Variants in PCDHA4 observed in about 807,000 individuals in gnomAD.
PCDHA4 encodes protocadherin alpha 4, also known as protocadherin alpha-4.
In PCDHA4, 49 loss-of-function variants were observed where a neutral mutation model predicts 61.4. The ratio of observed to expected loss-of-function variants is 0.80; its 90% confidence interval spans 0.63 to 1.01. The LOEUF is 1.01. PCDHA4 is among the 50% of genes least tolerant of loss of function. PCDHA4 has a pLI of 0.00. For missense variants in PCDHA4, 1,254 were observed against 1,235.8 expected (o/e 1.01, Z -0.22); for synonymous variants, 590 against 550.3 (o/e 1.07, Z -1.01).
chr5:140,833,597 T>C (rs1466793693), intron 1 of PCDHA4, among the ~76,000 whole-genome samples: 1 of 152,196 alleles, frequency 6.6e-6, no homozygotes, highest in Non-Finnish European at 1.5e-5. Flanking sequence ...ATATATAGAT[T>C]CTGCTAAAGC....
In PCDHA4 at chr5:140,809,555, G is replaced by C. The variant is rs781870287; in HGVS notation, c.2368G>C (p.Glu790Gln). ...CAGAGAAGATCAGCTGCAGACAACT[G>C]AGGAATCCTTTGCAAAGGTTAGTGT... The part of the protein sequence containing the change: ...RDREDQLQTT[E>Q]ESFAKPRQPN... The change falls in exon 1 of 4, where the codon GAG becomes CAG. Residue 790 changes from glutamate to glutamine, a missense_variant. Glu to Gln is a conservative substitution (Grantham distance 29). Coordinates refer to ENST00000530339, the MANE Select transcript of PCDHA4 (RefSeq NM_018907.4). 21 of 1,610,628 alleles carry C rather than the reference G, an allele frequency of 1.3e-5. 1 individual carries two copies. In the South Asian group the frequency reaches 2.3e-4, roughly 18 times the overall value.
chr5:140,961,856 C>T (rs781908407), intron 1 of PCDHA4, among the ~76,000 whole-genome samples: 1 of 151,570 alleles, frequency 6.6e-6, no homozygotes, highest in Non-Finnish European at 1.5e-5. Flanking sequence ...GATCATTTAT[C>T]TGGCCACAGA....
chr5:140,841,545 T>C lies in PCDHA4; in HGVS notation c.2385+31973T>C, dbSNP rs1554138308. ...GCGTCCAAAAGACACCGGGACCTTC[T>C]GGAGGTAAGTCTGCAGAATGGCATT... On this transcript the variant is annotated intron_variant, in intron 1 of 3. Coordinates refer to ENST00000530339, the MANE Select transcript of PCDHA4 (RefSeq NM_018907.4). 1 of 1,613,752 alleles carries C rather than the reference T, an allele frequency of 6.2e-7. No homozygotes were observed.
At chr5:140,829,541 G>C in intron 1 of PCDHA4, 1 of 1,613,068 alleles carries the variant, frequency 6.2e-7, no homozygotes. Flanking sequence ...AGACGCGGAC[G>C]CGCAGGAGAA....
At position 140,839,044 on chromosome 5, in the gene PCDHA4, C is replaced by A. The variant is rs2150294320; in HGVS notation, c.2385+29472C>A. 1.3e-3 allele frequency among the ~76,000 whole-genome samples: 202 copies of A among 152,030 alleles called. 2 individuals are homozygous for A. Among genetic ancestry groups the A allele is most frequent in the Non-Finnish European group, 2.1e-3 (142 of 67,974 alleles). On this transcript the variant is annotated intron_variant, in intron 1 of 3. Transcript: ENST00000530339. ...GGATATGTTACTGTTTTCTTTTCAACGTGAATAAGGATAGAGGTATGCAAA... is the reference window on the plus strand; with the variant it reads ...GGATATGTTACTGTTTTCTTTTCAAAGTGAATAAGGATAGAGGTATGCAAA...
rs17844287 is a variant in PCDHA4, at chr5:140,821,857, G to T, written c.2385+12285G>T. The T allele has an allele frequency of 9.3e-5, 150 of 1,614,186 alleles. No individual in the cohort carries two copies. The East Asian group carries it at 3.3e-3, about 35-fold the overall frequency. ...CCTTGCCTACTGGAAGGCAGGGAGC[G>T]GCCAGCTCCACTACTCGATCCCGGA... is the stretch of plus-strand genomic sequence containing the variant. On this transcript the variant is annotated intron_variant, in intron 1 of 3. Transcript: ENST00000530339.
intron 1 of PCDHA4, chr5:140,876,935 C>T (rs1554169119): frequency 6.2e-7 from 1 of 1,613,746 alleles, no homozygotes; most frequent in Non-Finnish European, 8.5e-7. Context: ...CAGAAGAACG[C>T]GCTGGTGTCC....
At chr5:140,835,709 C>T (rs2150242768) in intron 1 of PCDHA4, 29 of 1,613,350 alleles carry the variant, frequency 1.8e-5, no homozygotes, top group Middle Eastern at 3.3e-4. Context: ...CTAGCGTGTC[C>T]GTGGAGGTGG....
At chr5:140,835,811 T>G (rs2150245385) in intron 1 of PCDHA4, 44 of 1,612,792 alleles carry the variant, frequency 2.7e-5, no homozygotes, top group African/African-American at 9.3e-5. Flanking sequence ...ACATCTTCAC[T>G]GTGTCGGCGG....
chr5:140,869,309 A>T, intron 1 of PCDHA4: 1 of 1,613,682 alleles, frequency 6.2e-7, no homozygotes, highest in Non-Finnish European at 8.5e-7. Context: ...GTGGCGTCCA[A>T]AACACATGGG....
intron 1 of PCDHA4, chr5:140,876,016 A>G (rs1554168175): frequency 6.2e-7 from 1 of 1,613,818 alleles, no homozygotes; most frequent in South Asian, 1.1e-5. Flanking sequence ...TGAGCTTAAA[A>G]TAAAAACAAA....
rs1443126988 is a variant in PCDHA4 at position 140,960,088 on chromosome 5, A to G, written c.2386-18861A>G. Among the ~76,000 whole-genome samples, 6 of 152,248 alleles carry G rather than the reference A, an allele frequency of 3.9e-5. No homozygotes were observed. The East Asian group carries it at 5.8e-4, about 15-fold the overall frequency. ...TTCAATTGAAGTTTCTAAAAGAGAA[A>G]GAAACTTGTAGTTGTGGGAACAATA... On this transcript the variant is annotated intron_variant, in intron 1 of 3. Coordinates refer to ENST00000530339, the MANE Select transcript of PCDHA4 (RefSeq NM_018907.4).
chr5:140,967,736 G>A (rs1554229871), intron 1 of PCDHA4: 4 of 1,614,162 alleles, frequency 2.5e-6, no homozygotes, highest in Non-Finnish European at 3.4e-6. Context: ...TGGGGGGCTG[G>A]ATTATGAGGA....
At chr5:140,911,410 A>G (rs1472938045) in intron 1 of PCDHA4, among the ~76,000 whole-genome samples, 1 of 152,208 alleles carries the variant, frequency 6.6e-6, no homozygotes, top group African/African-American at 2.4e-5. Context: ...AGCCACTGGT[A>G]TGATAAGAAC....
chr5:140,914,815 GACTGCATAAACAAAAAACAAACACACAA>G (rs2076856567), intron 1 of PCDHA4, among the ~76,000 whole-genome samples: 1 of 151,986 alleles, frequency 6.6e-6, no homozygotes, highest in Non-Finnish European at 1.5e-5. Context: ...CAACTTAACA[GACTGCATAAACAAAAAACAAACACACAA>G]AAGGAAGACT....
intron 1 of PCDHA4, chr5:140,867,711 G>T (rs1202135456): frequency 2.0e-5 from 3 of 151,816 alleles, no homozygotes; most frequent in Non-Finnish European, 2.9e-5. Flanking sequence ...AATCCTAAGG[G>T]TATATGAAAA....
At chr5:140,927,381 A>G in intron 1 of PCDHA4, 2 of 1,614,102 alleles carry the variant, frequency 1.2e-6, no homozygotes, top group Non-Finnish European at 1.7e-6. Flanking sequence ...GCTACAGCCT[A>G]AGCCCCAGTC....
chr5:140,989,403 G>A (rs1327699534), intron 3 of PCDHA4, among the ~76,000 whole-genome samples: 4 of 152,182 alleles, frequency 2.6e-5, no homozygotes, highest in African/African-American at 9.7e-5. Context: ...GGAGGGTGGA[G>A]AGTCTGCACT....
rs1554262683 is a variant in PCDHA4 at position 141,010,108 on chromosome 5, G to A, written c.*171G>A. 23 of 1,611,296 alleles carry A rather than the reference G, an allele frequency of 1.4e-5. No homozygotes were observed. Among genetic ancestry groups the A allele is most frequent in the East Asian group, 4.5e-5 (2 of 44,852 alleles). On this transcript the variant is annotated 3_prime_UTR_variant, in exon 4 of 4. Transcript: ENST00000530339. ...TAGAACGCATTTAACAGGTTTTGTC[G>A]TAAAAGCTTTACTAAGTCTGGTGTT...
Sources: allele counts gnomAD v4.1 joint callset (sites outside exome capture counted in the v4.1 genomes callset), GRCh38; gene constraint gnomAD v4.1.1; transcripts MANE v1.5; gene names NCBI Gene and HGNC (gene_info 2026-07-23, HGNC 2026-07-21).